The following ZFHX4 variants were observed in gnomAD, a reference collection of about 807,000 sequenced individuals.
ZFHX4 encodes zinc finger homeobox protein 4.
ZFHX4 carries 56 observed loss-of-function variants against 267.6 expected under a neutral mutation model. The observed-to-expected ratio is 0.21, with a 90% confidence interval of 0.17 to 0.26. The LOEUF is 0.26. ZFHX4 is among the 10% of genes least tolerant of loss of function. ZFHX4 has a pLI of 1.00. For synonymous variants in ZFHX4, 1,778 were observed against 1,665.6 expected (o/e 1.07, Z -1.64); for missense variants, 4,332 against 4,420.0 (o/e 0.98, Z 0.56).
intron 3 of ZFHX4, among the ~76,000 whole-genome samples, chr8:76,770,125 G>A (rs1294966017): frequency 6.6e-6 from 1 of 152,128 alleles, no homozygotes; most frequent in Admixed American, 6.6e-5. Context: ...AGGTGACACA[G>A]GTTCTGTTAA....
intron 10 of ZFHX4, 166 bp downstream of exon 10, chr8:76,856,466 G>A (rs1045174545): frequency 7.4e-6 from 6 of 813,756 alleles, no homozygotes; most frequent in Non-Finnish European, 9.9e-6. Context: ...TTACCAGGAA[G>A]TAGGTCAACC....
chr8:76,834,789 C>G (rs970779425), intron 5 of ZFHX4, among the ~76,000 whole-genome samples: 6 of 151,842 alleles, frequency 4.0e-5, no homozygotes, highest in Non-Finnish European at 8.8e-5. Flanking sequence ...TAGATTATGC[C>G]TTTAGTGTGG....
At chr8:76,775,363 C>T (rs1005139809) in intron 3 of ZFHX4, among the ~76,000 whole-genome samples, 3 of 152,252 alleles carry the variant, frequency 2.0e-5, no homozygotes, top group South Asian at 2.1e-4. Context: ...AGAAAATGTA[C>T]GCTGGGTAAG....
chr8:76,738,467 A>G (rs1809223343), intron 3 of ZFHX4, among the ~76,000 whole-genome samples: 1 of 152,132 alleles, frequency 6.6e-6, no homozygotes, highest in African/African-American at 2.4e-5. Flanking sequence ...CTACCGTAAC[A>G]TTTCTCCAAA....
At position 76,864,475 on chromosome 8, in the gene ZFHX4, CTT is replaced by C; in HGVS notation, c.10762_10763del (p.Leu3588ArgfsTer2). ...DSELSQKLED[L>X]DNSLEVKAKP... ...GTGAGCTGAGCCAGAAGCTAGAAGA[CTT>C]AGATAATTCTTTGGAAGTGAAGGCT... On this transcript the variant is annotated frameshift_variant, in exon 11 of 11. Coordinates refer to ENST00000651372, the MANE Select transcript of ZFHX4 (RefSeq NM_024721.5). LOFTEE classifies it high-confidence loss of function. 2 of 1,613,574 alleles carry C rather than the reference CTT, an allele frequency of 1.2e-6. No homozygotes were observed. The highest frequency in any genetic ancestry group is 1.7e-6 in the Non-Finnish European group (2 of 1,179,798).
At chr8:76,817,254 T>G (rs569660994) in intron 4 of ZFHX4, among the ~76,000 whole-genome samples, 1 of 152,322 alleles carries the variant, frequency 6.6e-6, no homozygotes, top group African/African-American at 2.4e-5. Context: ...AATGAGAAAT[T>G]GAGAAAGTAC....
chr8:76,847,314 G>A (rs554459815), intron 6 of ZFHX4, among the ~76,000 whole-genome samples: 1 of 151,988 alleles, frequency 6.6e-6, no homozygotes, highest in African/African-American at 2.4e-5. Flanking sequence ...CATATCTTTC[G>A]ATATCAAATA....
At chr8:76,816,177 A>G (rs995152865) in intron 4 of ZFHX4, among the ~76,000 whole-genome samples, 6 of 152,186 alleles carry the variant, frequency 3.9e-5, no homozygotes, top group Admixed American at 6.5e-5. Flanking sequence ...CTGATTCCCA[A>G]TTCAGCATTG....
chr8:76,729,706 A>G (rs1043667974), intron 3 of ZFHX4, among the ~76,000 whole-genome samples: 35 of 152,292 alleles, frequency 2.3e-4, no homozygotes, highest in Non-Finnish European at 5.0e-4. Context: ...GTATGTTATA[A>G]AATTCTATTG....
At chr8:76,814,825 A>C (rs1426135238) in intron 4 of ZFHX4, among the ~76,000 whole-genome samples, 2 of 152,124 alleles carry the variant, frequency 1.3e-5, no homozygotes, top group Non-Finnish European at 2.9e-5. Context: ...TGAAGAAACC[A>C]TCTTAGAAAG....
chr8:76,830,952 C>A (rs1359293261), intron 4 of ZFHX4, among the ~76,000 whole-genome samples: 1 of 152,090 alleles, frequency 6.6e-6, no homozygotes, highest in African/African-American at 2.4e-5. Context: ...TGTGGTATTA[C>A]AACTAGATAC....
At chr8:76,776,243 T>A (rs908735408) in intron 3 of ZFHX4, among the ~76,000 whole-genome samples, 1 of 152,018 alleles carries the variant, frequency 6.6e-6, no homozygotes, top group Non-Finnish European at 1.5e-5. Context: ...TGAATACCAA[T>A]TGGGGTGAAT....
chr8:76,798,830 C>A (rs1490133070), intron 4 of ZFHX4, among the ~76,000 whole-genome samples: 1 of 151,970 alleles, frequency 6.6e-6, no homozygotes, highest in Non-Finnish European at 1.5e-5. Context: ...TTTTTTAAAT[C>A]AAAATTGCAT....
chr8:76,832,540 CT>C (rs761084495), intron 4 of ZFHX4, among the ~76,000 whole-genome samples: 13 of 152,048 alleles, frequency 8.5e-5, no homozygotes, highest in African/African-American at 2.4e-4. Flanking sequence ...ATTACAGAGG[CT>C]GCTGAAACGG....
chr8:76,756,277 C>A (rs1301595552), intron 3 of ZFHX4, among the ~76,000 whole-genome samples: 1 of 152,124 alleles, frequency 6.6e-6, no homozygotes, highest in Non-Finnish European at 1.5e-5. Context: ...ATTTCACATG[C>A]TAGTGTAATT....
chr8:76,777,702 A>G (rs1276233306), intron 3 of ZFHX4, among the ~76,000 whole-genome samples: 1 of 152,132 alleles, frequency 6.6e-6, no homozygotes, highest in Non-Finnish European at 1.5e-5. Context: ...ACCTGAGACC[A>G]TTCTCATCTA....
intron 3 of ZFHX4, among the ~76,000 whole-genome samples, chr8:76,736,356 T>TA (rs1006171177): frequency 6.6e-6 from 1 of 152,114 alleles, no homozygotes; most frequent in Non-Finnish European, 1.5e-5. Flanking sequence ...TAAAATTAGT[T>TA]AGTGTATTTC....
At chr8:76,750,008 G>A (rs577574543) in intron 3 of ZFHX4, among the ~76,000 whole-genome samples, 42 of 152,222 alleles carry the variant, frequency 2.8e-4, no homozygotes, top group Admixed American at 9.2e-4. Context: ...TTACCAAACT[G>A]ATAATGTGAG....
intron 6 of ZFHX4, among the ~76,000 whole-genome samples, chr8:76,843,689 T>A (rs187553698): frequency 4.6e-5 from 7 of 152,268 alleles, no homozygotes; most frequent in Non-Finnish European, 8.8e-5. Flanking sequence ...GCCTATTAGT[T>A]TCAGGTAGTC....
Sources: allele counts gnomAD v4.1 joint callset (sites outside exome capture counted in the v4.1 genomes callset), GRCh38; gene constraint gnomAD v4.1.1; transcripts MANE v1.5; gene names NCBI Gene and HGNC (gene_info 2026-07-23, HGNC 2026-07-21).